The following CDK19 variants were observed in gnomAD, a reference collection of about 807,000 sequenced individuals.
The protein encoded by CDK19 is cyclin dependent kinase 19.
A neutral mutation model predicts 68.3 loss-of-function variants in CDK19; 20 were observed. The observed-to-expected ratio is 0.29, with a 90% CI of 0.21 to 0.43. The LOEUF is 0.43. Ranked by LOEUF, CDK19 falls within the 20% of genes least tolerant of loss-of-function variation. The pLI is 1.00. For synonymous variants in CDK19, 221 were observed against 222.8 expected (o/e 0.99, Z 0.07); for missense variants, 339 against 623.5 (o/e 0.54, Z 4.86).
At chr6:110,718,865 T>C (rs1429136124) in intron 2 of CDK19, among the ~76,000 whole-genome samples, 1 of 151,878 alleles carries the variant, frequency 6.6e-6, no homozygotes, top group Non-Finnish European at 1.5e-5. Flanking sequence ...AACTAAAATA[T>C]ATAAAGTTGG....
chr6:110,715,263 A>C (rs1247943781), intron 2 of CDK19, among the ~76,000 whole-genome samples: 1 of 152,134 alleles, frequency 6.6e-6, no homozygotes, highest in Admixed American at 6.5e-5. Context: ...AACATACCTA[A>C]AAGTAGCTTA....
intron 1 of CDK19, among the ~76,000 whole-genome samples, chr6:110,769,582 AT>A (rs1336481267): frequency 6.8e-6 from 1 of 146,678 alleles, no homozygotes; most frequent in African/African-American, 2.5e-5. Flanking sequence ...AAAAAAAATA[AT>A]AATAATAATA....
intron 2 of CDK19, among the ~76,000 whole-genome samples, chr6:110,716,176 T>A (rs181383149): frequency 6.6e-6 from 1 of 152,138 alleles, no homozygotes; most frequent in African/African-American, 2.4e-5. Flanking sequence ...ATATCTAACA[T>A]TTAACTTTAA....
At chr6:110,770,070 T>TA (rs111761982) in intron 1 of CDK19, among the ~76,000 whole-genome samples, 200 of 152,050 alleles carry the variant, frequency 1.3e-3, no homozygotes, top group Middle Eastern at 3.4e-3. Context: ...CTCTTCTAGT[T>TA]AAAAAAAATA....
intron 2 of CDK19, among the ~76,000 whole-genome samples, chr6:110,743,027 C>T (rs969897183): frequency 2.6e-5 from 4 of 152,120 alleles, no homozygotes; most frequent in Non-Finnish European, 5.9e-5. Flanking sequence ...ATGTTACCCC[C>T]GGAGGCCCAG....
intron 2 of CDK19, among the ~76,000 whole-genome samples, chr6:110,724,014 T>TA (rs34790034): frequency 0.011 from 1,619 of 144,804 alleles, 29 homozygotes; most frequent in African/African-American, 0.036. Context: ...CCAACATTCT[T>TA]AAAAAAAAAA....
chr6:110,710,108 A>G (rs1184271505), intron 2 of CDK19, among the ~76,000 whole-genome samples: 1 of 152,232 alleles, frequency 6.6e-6, no homozygotes, highest in Non-Finnish European at 1.5e-5. Context: ...GCAAAGTACT[A>G]AACACCATTT....
At chr6:110,752,057 C>CAA (rs889720510) in intron 1 of CDK19, among the ~76,000 whole-genome samples, 2 of 140,496 alleles carry the variant, frequency 1.4e-5, no homozygotes, top group Admixed American at 7.1e-5. Context: ...TTTGAAATAA[C>CAA]AAAAAAAAAA....
intron 1 of CDK19, among the ~76,000 whole-genome samples, chr6:110,781,559 C>T (rs1014304953): frequency 2.0e-5 from 3 of 152,060 alleles, no homozygotes; most frequent in African/African-American, 4.8e-5. Context: ...AGACCCGATT[C>T]GGGCTGGGTG....
intron 2 of CDK19, among the ~76,000 whole-genome samples, chr6:110,699,441 A>G (rs1022484987): frequency 6.6e-5 from 10 of 151,514 alleles, no homozygotes; most frequent in Non-Finnish European, 1.5e-5. Context: ...AAAAAAAAAA[A>G]GCATGGATGA....
At chr6:110,729,951 C>T (rs1014465350) in intron 2 of CDK19, among the ~76,000 whole-genome samples, 2 of 152,106 alleles carry the variant, frequency 1.3e-5, no homozygotes, top group African/African-American at 2.4e-5. Flanking sequence ...TTGAGTTATA[C>T]AACTGGGTTG....
At chr6:110,772,890 CAAAAA>C (rs60201424) in intron 1 of CDK19, among the ~76,000 whole-genome samples, 11 of 100,650 alleles carry the variant, frequency 1.1e-4, no homozygotes, top group Non-Finnish European at 4.3e-5. Context: ...GTCCCTGTCC[CAAAAA>C]AAAAAAAAAA....
intron 2 of CDK19, among the ~76,000 whole-genome samples, chr6:110,731,805 T>A (rs1310605064): frequency 1.8e-4 from 27 of 152,152 alleles, no homozygotes. Flanking sequence ...GCATAGACTA[T>A]CCAATGTTCA....
intron 6 of CDK19, 124 bp downstream of exon 6, chr6:110,631,906 A>G: frequency 2.5e-6 from 2 of 805,258 alleles, no homozygotes; most frequent in South Asian, 1.6e-5. Flanking sequence ...CTAGGAATAC[A>G]GAAGACAATA....
intron 1 of CDK19, among the ~76,000 whole-genome samples, chr6:110,764,512 T>G (rs750024496): frequency 4.6e-5 from 7 of 152,198 alleles, no homozygotes; most frequent in Non-Finnish European, 7.3e-5. Flanking sequence ...AGAAAGAAGT[T>G]GTTTCAACAT....
intron 4 of CDK19, among the ~76,000 whole-genome samples, chr6:110,648,378 T>C (rs948126394): frequency 1.3e-5 from 2 of 151,986 alleles, no homozygotes; most frequent in African/African-American, 4.8e-5. Context: ...TATGAAAGAG[T>C]CAACTGTTTT....
At chr6:110,650,211 AT>A (rs927060051) in intron 4 of CDK19, among the ~76,000 whole-genome samples, 1 of 152,266 alleles carries the variant, frequency 6.6e-6, no homozygotes, top group Non-Finnish European at 1.5e-5. Flanking sequence ...TTAGACATTT[AT>A]AAAAATGTGA....
At chr6:110,710,089 C>T (rs758597380) in intron 2 of CDK19, among the ~76,000 whole-genome samples, 52 of 152,086 alleles carry the variant, frequency 3.4e-4, no homozygotes, top group Non-Finnish European at 5.9e-4. Flanking sequence ...GTAGATCACA[C>T]ATAACAATGC....
chr6:110,716,472 T>G (rs957882305), intron 2 of CDK19, among the ~76,000 whole-genome samples: 1 of 152,188 alleles, frequency 6.6e-6, no homozygotes, highest in Admixed American at 6.6e-5. Context: ...ACACACTGTA[T>G]GATCCCAGGT....
Sources: allele counts gnomAD v4.1 joint callset (sites outside exome capture counted in the v4.1 genomes callset), GRCh38; gene constraint gnomAD v4.1.1; transcripts MANE v1.5; gene names NCBI Gene and HGNC (gene_info 2026-07-23, HGNC 2026-07-21).